Variants in STK32B observed in about 807,000 individuals in gnomAD.
STK32B encodes serine/threonine-protein kinase 32B.
In STK32B, 43 loss-of-function variants were observed where a neutral mutation model predicts 52.6. The ratio of observed to expected loss-of-function variants is 0.82; its 90% CI spans 0.64 to 1.05. STK32B has a LOEUF of 1.05. Ranked by LOEUF, STK32B falls within the 50% of genes least tolerant of loss-of-function variation. The pLI is 0.00. For missense variants in STK32B, 621 were observed against 534.6 expected (o/e 1.16, Z -1.59); for synonymous variants, 238 against 204.3 (o/e 1.17, Z -1.41).
the STK32B span, among the ~76,000 whole-genome samples, chr4:5,043,678 C>T: frequency 6.6e-6 from 1 of 152,220 alleles, no homozygotes; most frequent in East Asian, 1.9e-4. Flanking sequence ...GGAGTGCTGT[C>T]CTCTCCAGCA....
intron 1 of STK32B, among the ~76,000 whole-genome samples, chr4:5,096,544 G>A (rs1292555595): frequency 1.3e-5 from 2 of 152,102 alleles, no homozygotes; most frequent in Non-Finnish European, 2.9e-5. Context: ...TCCCACCCTG[G>A]ATCTGTTGGA....
chr4:5,479,571 C>G (rs373073163), intron 11 of STK32B, among the ~76,000 whole-genome samples: 8 of 152,118 alleles, frequency 5.3e-5, no homozygotes, highest in African/African-American at 1.7e-4. Context: ...CATTTCAATT[C>G]TATGTGAAGG....
At chr4:5,263,157 T>A (rs1220600476) in intron 3 of STK32B, among the ~76,000 whole-genome samples, 3 of 151,976 alleles carry the variant, frequency 2.0e-5, no homozygotes, top group African/African-American at 4.8e-5. Context: ...TTTGTGGATA[T>A]GAATTGGTGC....
At chr4:5,270,565 C>T (rs1727355857) in intron 3 of STK32B, among the ~76,000 whole-genome samples, 1 of 152,124 alleles carries the variant, frequency 6.6e-6, no homozygotes, top group Non-Finnish European at 1.5e-5. Flanking sequence ...CAATACTAAC[C>T]ATCACAGGTG....
rs1577072911 is a variant in STK32B, at chr4:5,500,098, C to A, written c.*1015C>A. On this transcript the variant is annotated 3_prime_UTR_variant, in exon 12 of 12. Transcript: ENST00000282908. ...AAAATGGGTTCACACAAAAAGCAAA[C>A]TACATTCTGGTCTGCTCAGGGAGAA... 1 of 152,274 alleles carries A rather than the reference C, an allele frequency of 6.6e-6. No individual in the cohort carries two copies. The highest frequency in any genetic ancestry group is 3.4e-3 in the Middle Eastern group (1 of 294). The allele number at this position is 152,274 out of a possible 1,614,324, so 9.4% of individuals were successfully genotyped here. A position where few individuals can be genotyped will look rare whatever the true frequency, so the allele number is the denominator to read the frequency against.
chr4:5,208,898 C>G (rs1043990206), intron 3 of STK32B, among the ~76,000 whole-genome samples: 2 of 152,228 alleles, frequency 1.3e-5, no homozygotes, highest in African/African-American at 2.4e-5. Context: ...AAGCAATCTT[C>G]ATAAAACTTC....
At position 5,181,151 on chromosome 4, in the gene STK32B, A is replaced by G. The variant is rs565837053; in HGVS notation, c.260+12701A>G. 5.9e-5 allele frequency among the ~76,000 whole-genome samples: 9 copies of G among 152,288 alleles called. No individual in the cohort carries two copies. The South Asian group carries it at 6.2e-4, about 11-fold the overall frequency. On this transcript the variant is annotated intron_variant, in intron 3 of 11. Transcript: ENST00000282908. ...GCCTCTAGCTGGCTATGATGCTGCTATGGACCAAATTGTGTCCCCCTGCCT... is the reference window on the plus strand; with the variant it reads ...GCCTCTAGCTGGCTATGATGCTGCTGTGGACCAAATTGTGTCCCCCTGCCT...
At position 5,105,793 on chromosome 4, in the gene STK32B, G is replaced by A. The variant is rs564640568; in HGVS notation, c.53-34112G>A. ...TTAGCCAGGATGGTCTCGATCTCCT[G>A]ACCTAGTGATCCACCCGCCTCGGCC... On this transcript the variant is annotated intron_variant, in intron 1 of 11. Transcript: ENST00000282908. 5.9e-5 allele frequency among the ~76,000 whole-genome samples: 9 copies of A among 151,922 alleles called. No individual in the cohort carries two copies. The South Asian group carries it at 1.7e-3, about 28-fold the overall frequency.
At chr4:5,222,720 T>C (rs1036419485) in intron 3 of STK32B, among the ~76,000 whole-genome samples, 3 of 151,994 alleles carry the variant, frequency 2.0e-5, no homozygotes, top group Admixed American at 6.6e-5. Context: ...TATAATAAAA[T>C]GCAAAAAGAA....
At chr4:5,298,383 A>G (rs770717762) in intron 3 of STK32B, among the ~76,000 whole-genome samples, 2 of 152,158 alleles carry the variant, frequency 1.3e-5, no homozygotes, top group Non-Finnish European at 2.9e-5. Context: ...AGTTGCGCCC[A>G]TAGCCACCCC....
At position 5,499,091 on chromosome 4, in the gene STK32B, C is replaced by T. The variant is rs372287047; in HGVS notation, c.*8C>T. The stretch of plus-strand genomic sequence containing the variant: ...CGTGGCTGCAGCAGCTGAGCCCACA[C>T]TTGTTGCTGCTCAACAGGACTGCAC... On this transcript the variant is annotated 3_prime_UTR_variant, in exon 12 of 12. Transcript: ENST00000282908. The T allele has an allele frequency of 6.2e-7, 1 of 1,606,220 alleles. No individual in the cohort carries two copies. Among genetic ancestry groups the T allele is most frequent in the Non-Finnish European group, 8.5e-7 (1 of 1,175,750 alleles).
At chr4:5,203,348 A>G (rs1722304425) in intron 3 of STK32B, among the ~76,000 whole-genome samples, 1 of 151,884 alleles carries the variant, frequency 6.6e-6, no homozygotes, top group Non-Finnish European at 1.5e-5. Context: ...TTAATAAACA[A>G]TTTTTGCCCA....
At position 5,360,502 on chromosome 4, in the gene STK32B, G is replaced by A. The variant is rs147841163; in HGVS notation, c.434+29109G>A. ...CCTTTGTAGAATAGACCGTGTGTGC[G>A]CTCTACTGTGAGGGGCTGGTTGTTG... On this transcript the variant is annotated intron_variant, in intron 4 of 11. Transcript: ENST00000282908. Among the ~76,000 whole-genome samples the A allele has an allele frequency of 9.2e-3, 1,398 of 152,300 alleles. 20 individuals are homozygous for A. Among genetic ancestry groups the A allele is most frequent in the African/African-American group, 0.032 (1,342 of 41,552 alleles).
chr4:5,353,338 TA>T, intron 4 of STK32B, among the ~76,000 whole-genome samples: 4 of 151,908 alleles, frequency 2.6e-5, no homozygotes, highest in African/African-American at 9.7e-5. Flanking sequence ...GATATTGCTC[TA>T]GGCAAAGATT....
intron 1 of STK32B, among the ~76,000 whole-genome samples, chr4:5,113,144 T>G (rs1714499500): frequency 6.6e-6 from 1 of 152,056 alleles, no homozygotes; most frequent in African/African-American, 2.4e-5. Context: ...TGGGGGCCTT[T>G]GAGAGGTGAT....
At chr4:5,239,532 G>A (rs768196281) in intron 3 of STK32B, among the ~76,000 whole-genome samples, 2 of 152,036 alleles carry the variant, frequency 1.3e-5, no homozygotes, top group East Asian at 1.9e-4. Context: ...CTAAGCATGC[G>A]GGAGATGCTG....
At chr4:5,347,895 T>G (rs1253018374) in intron 4 of STK32B, among the ~76,000 whole-genome samples, 1 of 152,172 alleles carries the variant, frequency 6.6e-6, no homozygotes, top group African/African-American at 2.4e-5. Flanking sequence ...GAACTATGAG[T>G]CAATTAAGCC....
chr4:5,130,502 C>T (rs139008165), intron 1 of STK32B, among the ~76,000 whole-genome samples: 161 of 152,232 alleles, frequency 1.1e-3, no homozygotes, highest in Admixed American at 2.7e-3. Context: ...AAAGTAATCT[C>T]TTGGCCTTGG....
intron 3 of STK32B, among the ~76,000 whole-genome samples, chr4:5,329,142 G>A (rs186331612): frequency 8.8e-4 from 134 of 152,302 alleles, no homozygotes; most frequent in Non-Finnish European, 1.4e-3. Flanking sequence ...AGGCAGAAGG[G>A]CCTTTCAGCA....
Sources: allele counts gnomAD v4.1 joint callset (sites outside exome capture counted in the v4.1 genomes callset), GRCh38; gene constraint gnomAD v4.1.1; transcripts MANE v1.5; gene names NCBI Gene and HGNC (gene_info 2026-07-23, HGNC 2026-07-21).